KCNK9: variants seen among roughly 807,000 people sequenced by gnomAD.
The protein encoded by KCNK9 is potassium two pore domain channel subfamily K member 9.
KCNK9 carries 1 observed loss-of-function variant against 10.8 expected under a neutral mutation model. That is an observed-to-expected ratio of 0.09 (90% CI 0.03 to 0.44). KCNK9 has a LOEUF of 0.44. Ranked by LOEUF, KCNK9 falls within the 20% of genes least tolerant of loss-of-function variation. KCNK9 has a pLI of 0.97. For synonymous variants in KCNK9, 231 were observed against 222.7 expected, an observed-to-expected ratio of 1.04 and a Z score of -0.33; for missense variants, 303 against 515.0, an observed-to-expected ratio of 0.59 and a Z score of 3.98.
At chr8:139,614,430 C>T (rs1158023293), downstream of KCNK9, among the ~76,000 whole-genome samples, 1 of 152,218 alleles carries the variant, frequency 6.6e-6, no homozygotes, top group African/African-American at 2.4e-5. Flanking sequence ...TGCAAATGAG[C>T]TGCTGTGACC....
intron 1 of KCNK9, among the ~76,000 whole-genome samples, chr8:139,666,691 C>T (rs752464764): frequency 3.9e-5 from 6 of 152,378 alleles, no homozygotes; most frequent in East Asian, 1.9e-4. Flanking sequence ...GCCGGCTGAA[C>T]GGAGAAGGTG....
chr8:139,637,871 C>T (rs1331030295), intron 1 of KCNK9, among the ~76,000 whole-genome samples: 5 of 151,848 alleles, frequency 3.3e-5, no homozygotes, highest in Non-Finnish European at 5.9e-5. Flanking sequence ...CACCCCTGGG[C>T]ACTCCCCACA....
At chr8:139,681,136 C>T (rs1816679738) in intron 1 of KCNK9, among the ~76,000 whole-genome samples, 2 of 152,194 alleles carry the variant, frequency 1.3e-5, no homozygotes, top group African/African-American at 4.8e-5. Context: ...TGGCCAAGCG[C>T]CTTCCACATG....
chr8:139,612,060 G>C (rs550982745), downstream of KCNK9: 1 of 152,148 alleles, frequency 6.6e-6, no homozygotes, highest in Admixed American at 6.6e-5. Context: ...AGAGGACATC[G>C]CCAAGTCCAG....
chr8:139,604,470 C>G (rs1357490785), intron 2 of KCNK9, among the ~76,000 whole-genome samples: 1 of 152,068 alleles, frequency 6.6e-6, no homozygotes, highest in African/African-American at 2.4e-5. Flanking sequence ...GGTGGGGGTG[C>G]CACGCGGGCG....
Position 139,618,487 on chromosome 8 carries a change from C to CAGG in KCNK9, c.893_895dup (p.Ser298dup). The CAGG allele has an allele frequency of 6.2e-7, 1 of 1,613,854 alleles. No homozygotes were observed. The highest frequency in any genetic ancestry group is 8.5e-7 in the Non-Finnish European group (1 of 1,180,026). Reference sequence around the variant, plus strand: ...ATAGTCCTGCGAGCGGTAGCAGGTGCAGGAGCACACAGACTGCAGGTCCGG... The same window carrying CAGG: ...ATAGTCCTGCGAGCGGTAGCAGGTGCAGGAGGAGCACACAGACTGCAGGTCCGG... On this transcript the variant is annotated inframe_insertion, in exon 2 of 2. Transcript: ENST00000520439. This position sits in a 1 kb window ranked among gnomAD's most constrained non-coding sequence, Gnocchi z 7.9.
chr8:139,695,639 C>A (rs918544895), intron 1 of KCNK9, among the ~76,000 whole-genome samples: 3 of 152,156 alleles, frequency 2.0e-5, no homozygotes, highest in Non-Finnish European at 4.4e-5. Flanking sequence ...TTCAGGCTGG[C>A]CATAGCAGGG....
intron 1 of KCNK9, among the ~76,000 whole-genome samples, chr8:139,649,060 A>G (rs1278427291): frequency 6.6e-6 from 1 of 152,198 alleles, no homozygotes; most frequent in Non-Finnish European, 1.5e-5. Context: ...GCTAATATTT[A>G]TCCTCCGAGG....
At chr8:139,631,089 G>C (rs1185453090) in intron 1 of KCNK9, among the ~76,000 whole-genome samples, 1 of 152,262 alleles carries the variant, frequency 6.6e-6, no homozygotes, top group East Asian at 1.9e-4. Context: ...ACGGCCCCGG[G>C]TGCGGGGTCG....
At chr8:139,639,791 C>G (rs564641212) in intron 1 of KCNK9, among the ~76,000 whole-genome samples, 1 of 152,348 alleles carries the variant, frequency 6.6e-6, no homozygotes, top group East Asian at 1.9e-4. Flanking sequence ...AACAACCTCC[C>G]CAGCCTGCCC....
At chr8:139,614,038 G>T (rs930273680), downstream of KCNK9, among the ~76,000 whole-genome samples, 7 of 152,162 alleles carry the variant, frequency 4.6e-5, no homozygotes, top group African/African-American at 1.7e-4. Flanking sequence ...CAGTGATGGT[G>T]GTTTTTTGGT....
intron 1 of KCNK9, among the ~76,000 whole-genome samples, chr8:139,668,493 C>T (rs976236750): frequency 4.7e-5 from 7 of 149,570 alleles, no homozygotes; most frequent in Non-Finnish European, 1.0e-4. Flanking sequence ...ACGATCTTGG[C>T]TCACTGCAAC....
At chr8:139,612,605 A>G (rs1814464076), downstream of KCNK9, 1 of 152,234 alleles carries the variant, frequency 6.6e-6, no homozygotes, top group African/African-American at 2.4e-5. Flanking sequence ...GAAATCCCGA[A>G]GCCGTGTTCG....
At chr8:139,648,314 G>A (rs769352234) in intron 1 of KCNK9, among the ~76,000 whole-genome samples, 15 of 152,252 alleles carry the variant, frequency 9.9e-5, no homozygotes, top group Non-Finnish European at 1.5e-4. Flanking sequence ...CTTTGGAGCC[G>A]AAAATAAGAT....
chr8:139,668,422 C>T (rs1026677729), intron 1 of KCNK9, among the ~76,000 whole-genome samples: 11 of 140,678 alleles, frequency 7.8e-5, no homozygotes, highest in African/African-American at 1.6e-4. Flanking sequence ...GTAAACAATA[C>T]TTTTTTTTTT....
chr8:139,674,875 G>C (rs1437876829), intron 1 of KCNK9, among the ~76,000 whole-genome samples: 2 of 152,136 alleles, frequency 1.3e-5, no homozygotes, highest in Admixed American at 1.3e-4. Flanking sequence ...AAGTTCCCCT[G>C]GCCTGGCACC....
intron 1 of KCNK9, among the ~76,000 whole-genome samples, chr8:139,683,427 T>C (rs963649640): frequency 1.3e-5 from 2 of 152,232 alleles, no homozygotes; most frequent in African/African-American, 4.8e-5. Flanking sequence ...GATTCTTTTA[T>C]AGGGGACTCT....
chr8:139,675,613 G>A (rs1404948805), intron 1 of KCNK9, among the ~76,000 whole-genome samples: 1 of 152,100 alleles, frequency 6.6e-6, no homozygotes, highest in South Asian at 2.1e-4. Flanking sequence ...CCAGAACCAT[G>A]AGAAATCAAA....
intron 1 of KCNK9, among the ~76,000 whole-genome samples, chr8:139,628,748 C>T (rs571388841): frequency 1.3e-5 from 2 of 152,360 alleles, no homozygotes; most frequent in East Asian, 3.9e-4. Context: ...GGGAAATGGA[C>T]TAAATATATA....
Sources: allele counts gnomAD v4.1 joint callset (sites outside exome capture counted in the v4.1 genomes callset), GRCh38; gene constraint gnomAD v4.1.1; non-coding constraint Gnocchi (gnomAD v3.1); transcripts MANE v1.5; gene names NCBI Gene and HGNC (gene_info 2026-07-23, HGNC 2026-07-21).